The following FAM83B variants were observed in gnomAD, a reference collection of about 807,000 sequenced individuals.
The protein encoded by FAM83B is scaffolding CK1 anchoring protein B.
A neutral mutation model predicts 38.8 loss-of-function variants in FAM83B; 26 were observed. The ratio of observed to expected loss-of-function variants is 0.67; its 90% CI spans 0.49 to 0.93. FAM83B has a LOEUF of 0.93. Ranked by LOEUF, FAM83B falls within the 40% of genes least tolerant of loss-of-function variation. The pLI is 0.00. For missense variants in FAM83B, 1,237 were observed against 1,197.3 expected (o/e 1.03, Z -0.49); for synonymous variants, 419 against 423.1 (o/e 0.99, Z 0.12).
At chr6:54,888,302 A>T (rs918270986) in intron 2 of FAM83B, among the ~76,000 whole-genome samples, 1 of 151,832 alleles carries the variant, frequency 6.6e-6, no homozygotes, top group Admixed American at 6.6e-5. Flanking sequence ...AATATTCATT[A>T]GTTATATATA....
intron 2 of FAM83B, among the ~76,000 whole-genome samples, chr6:54,913,857 T>C (rs1187894548): frequency 1.3e-5 from 2 of 152,062 alleles, no homozygotes; most frequent in Non-Finnish European, 2.9e-5. Context: ...GCATCATATA[T>C]TTTTAATTTC....
rs773055779 is a variant in FAM83B, at chr6:54,941,618, G to A, written c.2647G>A (p.Asp883Asn). The change falls in exon 5 of 5, where the codon GAT becomes AAT. Residue 883 changes from aspartate to asparagine, a missense_variant. By Grantham distance (23) the Asp-to-Asn change is conservative. Transcript: ENST00000306858. Reference protein sequence around the residue: ...VESKFLERAGDASAPRFNTEQ... With the variant: ...VESKFLERAGNASAPRFNTEQ... The stretch of plus-strand genomic sequence containing the variant: ...AAGCAAGTTCTTGGAAAGGGCAGGA[G>A]ATGCCTCTGCCCCAAGATTTAACAC... 1 of 1,614,108 alleles carries A rather than the reference G, an allele frequency of 6.2e-7. No homozygotes were observed. The highest frequency in any genetic ancestry group is 1.3e-5 in the African/African-American group (1 of 75,042).
intron 2 of FAM83B, among the ~76,000 whole-genome samples, chr6:54,914,607 A>G (rs941720248): frequency 1.3e-5 from 2 of 152,126 alleles, no homozygotes; most frequent in African/African-American, 2.4e-5. Flanking sequence ...GTTGTTGGGC[A>G]TTGCTGGAAA....
intron 1 of FAM83B, among the ~76,000 whole-genome samples, chr6:54,862,542 G>A (rs1771611301): frequency 6.6e-6 from 1 of 152,108 alleles, no homozygotes; most frequent in South Asian, 2.1e-4. Flanking sequence ...CGTAAAATGA[G>A]AGGCTAGATG....
At chr6:54,884,141 A>C (rs1328572121) in intron 2 of FAM83B, among the ~76,000 whole-genome samples, 1 of 151,972 alleles carries the variant, frequency 6.6e-6, no homozygotes, top group Non-Finnish European at 1.5e-5. Context: ...GTCTGTACAA[A>C]AAATACAAAA....
chr6:54,868,941 G>A (rs912889192), intron 1 of FAM83B, among the ~76,000 whole-genome samples: 15 of 152,188 alleles, frequency 9.9e-5, no homozygotes, highest in African/African-American at 3.4e-4. Flanking sequence ...CATGCTCCAA[G>A]TTATCTTTTT....
rs1773762205 is a variant in FAM83B at position 54,944,425 on chromosome 6, G to A, written c.*2418G>A. 1 of 152,162 alleles carries A rather than the reference G, an allele frequency of 6.6e-6. No individual in the cohort carries two copies. The highest frequency in any genetic ancestry group is 1.5e-5 in the Non-Finnish European group (1 of 68,030). 9.4% of individuals were successfully genotyped at this position (152,162 alleles called of 1,614,324 possible). The stretch of plus-strand genomic sequence containing the variant: ...CAAGAAAAATGGGTATAATTTCAAA[G>A]TAGTTCTTGGCAGATGGCTAGAGAA... On this transcript the variant is annotated 3_prime_UTR_variant, in exon 5 of 5. Coordinates refer to ENST00000306858, the MANE Select transcript of FAM83B (RefSeq NM_001010872.3).
At chr6:54,850,238 T>G (rs1197759605) in intron 1 of FAM83B, among the ~76,000 whole-genome samples, 1 of 152,188 alleles carries the variant, frequency 6.6e-6, no homozygotes, top group African/African-American at 2.4e-5. Context: ...TTAGCAGCCC[T>G]GGGATAGTCA....
At chr6:54,857,139 T>C (rs917709535) in intron 1 of FAM83B, among the ~76,000 whole-genome samples, 1 of 152,348 alleles carries the variant, frequency 6.6e-6, no homozygotes, top group Non-Finnish European at 1.5e-5. Context: ...TTATAGACTT[T>C]CGCACTATTT....
intron 4 of FAM83B, among the ~76,000 whole-genome samples, chr6:54,939,425 G>T (rs1218229380): frequency 2.0e-5 from 3 of 152,066 alleles, no homozygotes; most frequent in Non-Finnish European, 4.4e-5. Flanking sequence ...GATGGGAATT[G>T]CATTGAATCT....
At chr6:54,853,996 G>A (rs1156354273) in intron 1 of FAM83B, among the ~76,000 whole-genome samples, 2 of 152,166 alleles carry the variant, frequency 1.3e-5, no homozygotes, top group African/African-American at 4.8e-5. Context: ...TCTTGTAGAT[G>A]TCTTAGAAAG....
intron 2 of FAM83B, among the ~76,000 whole-genome samples, chr6:54,915,294 T>C (rs1773007902): frequency 6.6e-6 from 1 of 152,212 alleles, no homozygotes; most frequent in Non-Finnish European, 1.5e-5. Context: ...TTTCTTATAA[T>C]GCTACAGTAA....
chr6:54,870,196 A>T lies in FAM83B; in HGVS notation c.-51A>T. 1 of 1,387,866 alleles carries T rather than the reference A, an allele frequency of 7.2e-7. No individual in the cohort carries two copies. The highest frequency in any genetic ancestry group is 1.0e-6 in the Non-Finnish European group (1 of 989,700). 86.0% of individuals were successfully genotyped at this position (1,387,866 alleles called of 1,614,324 possible). ...TCTTTTCAAATACCAGATACTTCTCACCACTGCATGAATGGACATTTGAAA... is the reference window on the plus strand; with the variant it reads ...TCTTTTCAAATACCAGATACTTCTCTCCACTGCATGAATGGACATTTGAAA... On this transcript the variant is annotated 5_prime_UTR_variant, in exon 2 of 5. Transcript: ENST00000306858.
chr6:54,914,350 A>G (rs1053402354), intron 2 of FAM83B, among the ~76,000 whole-genome samples: 2 of 152,106 alleles, frequency 1.3e-5, no homozygotes, highest in Non-Finnish European at 2.9e-5. Context: ...AAAATAACCT[A>G]TTTATTTTTA....
chr6:54,904,979 G>A (rs1429118688), intron 2 of FAM83B, among the ~76,000 whole-genome samples: 2 of 152,168 alleles, frequency 1.3e-5, no homozygotes, highest in African/African-American at 4.8e-5. Context: ...AGAAAGGAAA[G>A]ACATTCTGGC....
At chr6:54,892,696 ATATATATTG>A (rs1190315101) in intron 2 of FAM83B, among the ~76,000 whole-genome samples, 5 of 149,168 alleles carry the variant, frequency 3.4e-5, no homozygotes, top group Admixed American at 6.7e-5. Flanking sequence ...ATACATAAAT[ATATATATTG>A]TATATATTGT....
intron 2 of FAM83B, among the ~76,000 whole-genome samples, chr6:54,919,416 T>C (rs928014769): frequency 6.6e-6 from 1 of 152,138 alleles, no homozygotes; most frequent in Non-Finnish European, 1.5e-5. Context: ...CTAGTATTCA[T>C]TTTATAAATT....
chr6:54,934,112 G>T (rs62416516), intron 4 of FAM83B, among the ~76,000 whole-genome samples: 3,514 of 152,134 alleles, frequency 0.023, 59 homozygotes, highest in Middle Eastern at 0.061. Context: ...GTCTCTATGG[G>T]GTACGTAGGG....
intron 1 of FAM83B, among the ~76,000 whole-genome samples, chr6:54,857,403 A>T (rs2127572396): frequency 6.6e-6 from 1 of 152,280 alleles, no homozygotes; most frequent in South Asian, 2.1e-4. Flanking sequence ...TGTAAATTAT[A>T]CTACATTTCT....
Sources: allele counts gnomAD v4.1 joint callset (sites outside exome capture counted in the v4.1 genomes callset), GRCh38; gene constraint gnomAD v4.1.1; transcripts MANE v1.5; gene names NCBI Gene and HGNC (gene_info 2026-07-23, HGNC 2026-07-21).